The following AGL variants were observed in gnomAD, a reference collection of about 807,000 sequenced individuals.
AGL encodes the protein glycogen debranching enzyme.
Under a neutral mutation model 199.3 loss-of-function variants are expected in AGL, and 128 were observed. The observed-to-expected ratio is 0.64, with a 90% CI of 0.56 to 0.74. The LOEUF (loss-of-function observed/expected upper bound fraction) is 0.74, where lower values mean the gene tolerates loss of function less well. Among genes scored for constraint, AGL ranks in the 30% least tolerant of loss-of-function variants. The pLI is 0.00. For synonymous variants in AGL, 584 were observed against 594.7 expected (o/e 0.98, Z 0.26); for missense variants, 1,809 against 1,820.8 (o/e 0.99, Z 0.12).
At chr1:99,909,199 A>G (rs1654548871) in intron 27 of AGL, among the ~76,000 whole-genome samples, 1 of 151,876 alleles carries the variant, frequency 6.6e-6, no homozygotes, top group South Asian at 2.1e-4. Flanking sequence ...CTGGGGGTGG[A>G]AGTCTATACT....
intron 5 of AGL, among the ~76,000 whole-genome samples, chr1:99,867,451 C>G (rs902295960): frequency 3.3e-5 from 5 of 152,212 alleles, no homozygotes; most frequent in African/African-American, 1.2e-4. Context: ...CTCCTCCCAA[C>G]TCCCAGCCTG....
chr1:99,874,963 C>T (rs962046343), intron 8 of AGL, among the ~76,000 whole-genome samples, 153 bp downstream of exon 8: 1 of 152,076 alleles, frequency 6.6e-6, no homozygotes, highest in Admixed American at 6.6e-5. Context: ...GACATTTTCC[C>T]ACTTTTTCTG....
chr1:99,920,167 CAG>C (rs1655417203), intron 33 of AGL, among the ~76,000 whole-genome samples: 2 of 152,202 alleles, frequency 1.3e-5, no homozygotes, highest in African/African-American at 4.8e-5. Flanking sequence ...GCTGCAGTAA[CAG>C]AGCACTACAA....
intron 20 of AGL, among the ~76,000 whole-genome samples, chr1:99,885,965 A>G (rs76844359): frequency 0.013 from 2,024 of 152,258 alleles, 50 homozygotes; most frequent in African/African-American, 0.046. Context: ...AAAAAGGACC[A>G]TTGGGTTAGA....
intron 33 of AGL, among the ~76,000 whole-genome samples, chr1:99,921,162 T>G (rs993171633): frequency 7.6e-6 from 1 of 132,120 alleles, no homozygotes; most frequent in Non-Finnish European, 1.7e-5. Flanking sequence ...TTCATTACTT[T>G]TACTTTTACA....
chr1:99,859,267 T>A (rs1305601790), intron 2 of AGL, among the ~76,000 whole-genome samples: 1 of 152,194 alleles, frequency 6.6e-6, no homozygotes, highest in African/African-American at 2.4e-5. Context: ...TATTTCTTAG[T>A]CTATCCCTTC....
intron 5 of AGL, among the ~76,000 whole-genome samples, chr1:99,865,154 A>G (rs927881114): frequency 3.9e-5 from 6 of 152,102 alleles, no homozygotes. Context: ...ATAAAAAAAC[A>G]CAAAATATCA....
intron 28 of AGL, among the ~76,000 whole-genome samples, 192 bp from the exon 29 acceptor site, chr1:99,912,213 A>G (rs1654795568): frequency 6.6e-6 from 1 of 152,150 alleles, no homozygotes; most frequent in African/African-American, 2.4e-5. Context: ...TTATGTGAGG[A>G]TGATAGACAA....
In AGL at chr1:99,862,442, C is replaced by T. The variant is rs1206374452; in HGVS notation, c.460+19C>T. On this transcript the variant is annotated intron_variant, in intron 4 of 33. Transcript: ENST00000361915. ...GAATCAGGTAATGTCAGCTTGCTTTCTTTTTCTTATTTAAAAAAATAAATG... is the reference window on the plus strand; with the variant it reads ...GAATCAGGTAATGTCAGCTTGCTTTTTTTTTCTTATTTAAAAAAATAAATG... 1 of 1,612,770 alleles carries T rather than the reference C, an allele frequency of 6.2e-7. No homozygotes were observed. The highest frequency in any genetic ancestry group is 2.2e-5 in the East Asian group (1 of 44,858).
chr1:99,854,528 C>T (rs6701460), intron 2 of AGL, among the ~76,000 whole-genome samples: 35,666 of 151,682 alleles, frequency 0.24, 5,010 homozygotes, highest in African/African-American at 0.39. Context: ...TTTGGGAGGC[C>T]GAGGCGGGCG....
chr1:99,867,895 C>A (rs560652033), intron 5 of AGL, among the ~76,000 whole-genome samples: 1 of 152,154 alleles, frequency 6.6e-6, no homozygotes, highest in Non-Finnish European at 1.5e-5. Flanking sequence ...CCCCTACTTG[C>A]AGAGCTGACA....
chr1:99,876,593 A>T lies in AGL; in HGVS notation c.1419A>T (p.Glu473Asp). The change falls in exon 11 of 34, where the codon GAA becomes GAT. Residue 473 changes from glutamate (E) to aspartate (D), a missense_variant. Glu to Asp is a conservative substitution (Grantham distance 45). Coordinates refer to ENST00000361915, the MANE Select transcript of AGL (RefSeq NM_000642.3). The stretch of plus-strand genomic sequence containing the variant: ...ATGATCCTCTTCGAAACTTTGCTGA[A>T]CCGGGTATGTAATTTTTAACTTCTC... ...MGDDPLRNFA[E>D]PGSEVYLRRE... The T allele has an allele frequency of 6.2e-7, 1 of 1,613,986 alleles. No individual in the cohort carries two copies.
chr1:99,920,240 G>C (rs978161033), intron 33 of AGL, among the ~76,000 whole-genome samples: 1 of 152,180 alleles, frequency 6.6e-6, no homozygotes, highest in Non-Finnish European at 1.5e-5. Flanking sequence ...CAGTTCTGGA[G>C]GCCAGAAATC....
At chr1:99,918,915 T>A (rs1018927094) in intron 33 of AGL, among the ~76,000 whole-genome samples, 3 of 151,764 alleles carry the variant, frequency 2.0e-5, no homozygotes, top group Non-Finnish European at 4.4e-5. Flanking sequence ...AACAAGCAAG[T>A]GTTCCTGACG....
intron 2 of AGL, among the ~76,000 whole-genome samples, chr1:99,853,389 AT>A (rs1649137349): frequency 6.6e-6 from 1 of 152,144 alleles, no homozygotes; most frequent in Non-Finnish European, 1.5e-5. Flanking sequence ...TATCTGTTAA[AT>A]CTCATTTACT....
chr1:99,915,424 A>C lies in AGL; in HGVS notation c.4197A>C (p.Lys1399Asn). 6.2e-7 allele frequency: 1 copy of C among 1,614,026 alleles called. No individual in the cohort carries two copies. Among genetic ancestry groups the C allele is most frequent in the East Asian group, 2.2e-5 (1 of 44,876 alleles). Residue 1399 changes from lysine to asparagine, a missense_variant, in exon 31 of 34, where the codon AAA becomes AAC. Physicochemically the swap from Lys to Asn is moderately conservative, Grantham distance 94 (BLOSUM62 0). Coordinates refer to ENST00000361915, the MANE Select transcript of AGL (RefSeq NM_000642.3). ...TCTTTACTACAGAAAAAGCATGGAAAGCTTTGGAGATTGCAGAAAAAAAAT... is the reference window on the plus strand; with the variant it reads ...TCTTTACTACAGAAAAAGCATGGAACGCTTTGGAGATTGCAGAAAAAAAAT... Reference protein sequence around the residue: ...PELFTTEKAWKALEIAEKKLL... With the variant: ...PELFTTEKAWNALEIAEKKLL...
In AGL at chr1:99,850,406, C is replaced by G. The variant is rs1048251367; in HGVS notation, c.-78C>G. The G allele has an allele frequency of 6.5e-6, 1 of 152,926 alleles. No individual in the cohort carries two copies. Among genetic ancestry groups the G allele is most frequent in the African/African-American group, 2.4e-5 (1 of 41,488 alleles). The allele number at this position is 152,926 out of a possible 1,614,324, so 9.5% of individuals were successfully genotyped here. A position where few individuals can be genotyped will look rare whatever the true frequency, so the allele number is the denominator to read the frequency against. Reference sequence around the variant, plus strand: ...AGTGCCCCAGAAGCCGCACGTATAACTCCCTCGGCGTAAGTGCTAGGAATG... The same window carrying G: ...AGTGCCCCAGAAGCCGCACGTATAAGTCCCTCGGCGTAAGTGCTAGGAATG... On this transcript the variant is annotated 5_prime_UTR_variant, in exon 1 of 34. Coordinates refer to ENST00000361915, the MANE Select transcript of AGL (RefSeq NM_000642.3).
chr1:99,907,437 G>A (rs947658352), intron 27 of AGL, among the ~76,000 whole-genome samples: 1 of 152,030 alleles, frequency 6.6e-6, no homozygotes, highest in African/African-American at 2.4e-5. Flanking sequence ...ATCAGTTTGA[G>A]TCCCTGCTTT....
intron 20 of AGL, among the ~76,000 whole-genome samples, chr1:99,885,816 T>G (rs1652409715): frequency 6.6e-6 from 1 of 152,152 alleles, no homozygotes; most frequent in African/African-American, 2.4e-5. Context: ...GTTGTATAAT[T>G]ATTTCAGTAT....
Sources: allele counts gnomAD v4.1 joint callset (sites outside exome capture counted in the v4.1 genomes callset), GRCh38; gene constraint gnomAD v4.1.1; transcripts MANE v1.5; gene names NCBI Gene and HGNC (gene_info 2026-07-23, HGNC 2026-07-21).